The following PCDHA2 variants were observed in gnomAD, a reference collection of about 807,000 sequenced individuals.
PCDHA2 encodes the protein protocadherin alpha-2.
PCDHA2 carries 58 observed loss-of-function variants against 66.0 expected under a neutral mutation model. The ratio of observed to expected loss-of-function variants is 0.88; its 90% CI spans 0.71 to 1.09. The LOEUF (loss-of-function observed/expected upper bound fraction) is 1.09. Ranked by LOEUF, PCDHA2 falls within the 50% of genes least tolerant of loss-of-function variation. PCDHA2 has a pLI of 0.00. For synonymous variants in PCDHA2, 634 were observed against 554.0 expected, an observed-to-expected ratio of 1.14 and a Z score of -2.03; for missense variants, 1,267 against 1,242.3, an observed-to-expected ratio of 1.02 and a Z score of -0.30.
chr5:140,858,019 G>A (rs377389644), intron 1 of PCDHA2: 1 of 1,596,850 alleles, frequency 6.3e-7, no homozygotes, highest in Non-Finnish European at 8.6e-7. Flanking sequence ...GCGAGCCGTC[G>A]CTGACGGCCA....
intron 1 of PCDHA2, among the ~76,000 whole-genome samples, chr5:140,909,265 G>A (rs1289313376): frequency 3.3e-5 from 5 of 152,192 alleles, no homozygotes; most frequent in Non-Finnish European, 7.3e-5. Flanking sequence ...CTGACTGAAG[G>A]CAAATTGCTT....
chr5:140,976,841 A>G lies in PCDHA2; in HGVS notation c.2389-2108A>G, dbSNP rs145977857. Among the ~76,000 whole-genome samples the G allele has an allele frequency of 1.2e-3, 190 of 152,338 alleles. 1 individual carries two copies. Among genetic ancestry groups the G allele is most frequent in the African/African-American group, 4.3e-3 (178 of 41,578 alleles). ...GTGTCTAATGAGCAAAACAGATATA[A>G]TCCCTTTCATAGAGTTTACTGTCTG... On this transcript the variant is annotated intron_variant, in intron 1 of 3. Coordinates refer to ENST00000526136, the MANE Select transcript of PCDHA2 (RefSeq NM_018905.3).
chr5:140,798,855 G>A (rs546077370), intron 1 of PCDHA2, among the ~76,000 whole-genome samples: 49 of 152,026 alleles, frequency 3.2e-4, no homozygotes, highest in Non-Finnish European at 3.2e-4. Context: ...TGTCTTAAAC[G>A]GTCCTCTACT....
intron 1 of PCDHA2, among the ~76,000 whole-genome samples, chr5:140,942,058 C>T (rs2093224752): frequency 6.6e-6 from 1 of 152,040 alleles, no homozygotes; most frequent in Non-Finnish European, 1.5e-5. Flanking sequence ...GAAATGTTTG[C>T]TAATTGAGCC....
chr5:140,897,997 G>C (rs1174176296), intron 1 of PCDHA2, among the ~76,000 whole-genome samples: 1 of 152,168 alleles, frequency 6.6e-6, no homozygotes, highest in Non-Finnish European at 1.5e-5. Context: ...CTTTTGAGAA[G>C]TGTCTGTTCA....
At chr5:140,918,302 G>A (rs1382712359) in intron 1 of PCDHA2, among the ~76,000 whole-genome samples, 1 of 152,048 alleles carries the variant, frequency 6.6e-6, no homozygotes, top group African/African-American at 2.4e-5. Context: ...GAGAATATAG[G>A]GTTTTCTAGG....
At position 140,849,901 on chromosome 5, in the gene PCDHA2, C is replaced by T. The variant is rs1554143464; in HGVS notation, c.2388+52549C>T. On this transcript the variant is annotated intron_variant, in intron 1 of 3. Coordinates refer to ENST00000526136, the MANE Select transcript of PCDHA2 (RefSeq NM_018905.3). ...ACGGTGTTCGTGAAGGAGAACAACC[C>T]GCCGGGCTGCCACATCTTCACGGTG... 8.1e-6 allele frequency: 13 copies of T among 1,598,462 alleles called. 2 individuals are homozygous for T. The highest frequency in any genetic ancestry group is 1.1e-5 in the South Asian group (1 of 90,542).
chr5:140,981,603 C>T (rs1213864255), intron 2 of PCDHA2, among the ~76,000 whole-genome samples: 4 of 152,052 alleles, frequency 2.6e-5, no homozygotes, highest in Non-Finnish European at 5.9e-5. Context: ...CAAAATGTTC[C>T]TCTAATTTTG....
intron 1 of PCDHA2, chr5:140,861,278 C>T (rs572060208): frequency 5.3e-4 from 99 of 185,718 alleles, no homozygotes; most frequent in African/African-American, 2.3e-3. Flanking sequence ...GCACTGGCTT[C>T]TGCTCCTTGA....
chr5:140,974,701 A>G (rs1299087234), intron 1 of PCDHA2, among the ~76,000 whole-genome samples: 2 of 152,012 alleles, frequency 1.3e-5, no homozygotes, highest in Non-Finnish European at 2.9e-5. Flanking sequence ...GGGTTTCACC[A>G]TGTTGTTCAA....
intron 1 of PCDHA2, chr5:140,802,113 G>C: frequency 6.2e-7 from 1 of 1,614,186 alleles, no homozygotes. Flanking sequence ...CAGTGTAAAG[G>C]GTAACATAGA....
At chr5:140,886,923 A>G (rs2061226884) in intron 1 of PCDHA2, among the ~76,000 whole-genome samples, 1 of 151,812 alleles carries the variant, frequency 6.6e-6, no homozygotes, top group Non-Finnish European at 1.5e-5. Context: ...AGTGTTCTCT[A>G]TGTGCCAGGC....
chr5:140,877,087 G>C lies in PCDHA2; in HGVS notation c.2388+79735G>C. On this transcript the variant is annotated intron_variant, in intron 1 of 3. Transcript: ENST00000526136. ...GCTGCAGTTCCAGGTGAGCGCGCGC[G>C]ACGCCGGCGTGCCGCCTCTGGGCAG... 2.5e-6 allele frequency: 4 copies of C among 1,613,212 alleles called. No homozygotes were observed. The South Asian group carries it at 3.3e-5, about 13-fold the overall frequency.
intron 1 of PCDHA2, chr5:140,835,708 C>T (rs182652510): frequency 1.8e-5 from 29 of 1,613,660 alleles, no homozygotes; most frequent in Middle Eastern, 1.7e-4. Context: ...GCTAGCGTGT[C>T]CGTGGAGGTG....
At chr5:140,884,046 A>T in intron 1 of PCDHA2, 1 of 1,613,474 alleles carries the variant, frequency 6.2e-7, no homozygotes, top group Non-Finnish European at 8.5e-7. Flanking sequence ...GTGGTGGCGA[A>T]GGTGCGCGCG....
intron 1 of PCDHA2, chr5:140,805,335 G>C: frequency 1.2e-5 from 15 of 1,231,160 alleles, no homozygotes; most frequent in Non-Finnish European, 1.5e-5. Context: ...TGATGTCAAT[G>C]ATCATTTTGT....
chr5:140,983,334 T>A (rs1314550664), intron 3 of PCDHA2, among the ~76,000 whole-genome samples: 1 of 152,234 alleles, frequency 6.6e-6, no homozygotes, highest in African/African-American at 2.4e-5. Context: ...GCCCTATCAC[T>A]AAAGCAGGGT....
At chr5:140,938,468 A>T (rs1427570517) in intron 1 of PCDHA2, among the ~76,000 whole-genome samples, 1 of 152,096 alleles carries the variant, frequency 6.6e-6, no homozygotes, top group Non-Finnish European at 1.5e-5. Flanking sequence ...TTAATTTATT[A>T]TGTTTTTTAA....
In PCDHA2 at chr5:140,871,203, C is replaced by A. The variant is rs369236762; in HGVS notation, c.2388+73851C>A. On this transcript the variant is annotated intron_variant, in intron 1 of 3. Transcript: ENST00000526136. ...TGGTGGATGTCAACGTGTACCTGAT[C>A]ATCGCCATCTGCGTGGTGTCCAGCC... The A allele has an allele frequency of 6.3e-5, 101 of 1,613,744 alleles. No homozygotes were observed. The African/African-American group carries it at 1.3e-3, about 21-fold the overall frequency.
Sources: allele counts gnomAD v4.1 joint callset (sites outside exome capture counted in the v4.1 genomes callset), GRCh38; gene constraint gnomAD v4.1.1; transcripts MANE v1.5; gene names NCBI Gene and HGNC (gene_info 2026-07-23, HGNC 2026-07-21).